PDE7B: variants seen among roughly 807,000 people sequenced by gnomAD.
PDE7B encodes phosphodiesterase 7B, also known as 3',5'-cyclic-AMP phosphodiesterase 7B.
In PDE7B, 29 loss-of-function variants were observed where a neutral mutation model predicts 56.2. The observed-to-expected ratio is 0.52, with a 90% confidence interval of 0.38 to 0.70. The LOEUF is 0.70. Ranked by LOEUF, PDE7B falls within the 30% of genes least tolerant of loss-of-function variation. The pLI is 0.00. For synonymous variants in PDE7B, 197 were observed against 196.9 expected, an observed-to-expected ratio of 1.00 and a Z score of 0.00; for missense variants, 490 against 565.0, an observed-to-expected ratio of 0.87 and a Z score of 1.35.
intron 1 of PDE7B, among the ~76,000 whole-genome samples, chr6:135,906,813 T>TTTTTTTTTTTGTTTTTTTTG (rs1776116181): frequency 1.6e-4 from 17 of 109,350 alleles, no homozygotes; most frequent in African/African-American, 8.3e-4. Flanking sequence ...GAGGTTTGTT[T>TTTTTTTTTTTGTTTTTTTTG]TTTTTTTTTT....
At chr6:136,055,951 G>C (rs1301355940) in intron 2 of PDE7B, among the ~76,000 whole-genome samples, 1 of 152,138 alleles carries the variant, frequency 6.6e-6, no homozygotes, top group African/African-American at 2.4e-5. Context: ...AGGAGAAGAG[G>C]GGAAGACTAA....
intron 8 of PDE7B, among the ~76,000 whole-genome samples, chr6:136,158,285 T>A (rs956734513): frequency 1.3e-5 from 2 of 151,988 alleles, no homozygotes; most frequent in African/African-American, 4.8e-5. Flanking sequence ...GTTACTCTTA[T>A]CAAATTTTAA....
chr6:136,124,097 G>A (rs191349993), intron 3 of PDE7B, among the ~76,000 whole-genome samples: 11 of 152,116 alleles, frequency 7.2e-5, no homozygotes, highest in Admixed American at 4.6e-4. Context: ...AGTAGAGAAG[G>A]TTAAGAAAAT....
rs1562518763 is a variant in PDE7B at position 136,191,831 on chromosome 6, C to T, written c.1344C>T (p.Asp448=). The T allele has an allele frequency of 1.3e-6, 2 of 1,550,304 alleles. No homozygotes were observed. Among genetic ancestry groups the T allele is most frequent in the African/African-American group, 1.4e-5 (1 of 73,010 alleles). ...QGTESEEQEG[D]SP ...CTGAGAGCGAGGAGCAGGAAGGCGA[C>T]AGCCCCTAGGGGCCGGCCCAACTTA... Residue 448 remains aspartate, a synonymous_variant, in exon 13 of 13, where the codon GAC becomes GAT. Coordinates refer to ENST00000308191, the MANE Select transcript of PDE7B (RefSeq NM_018945.4).
chr6:136,098,599 C>T (rs887699588), intron 2 of PDE7B, among the ~76,000 whole-genome samples: 2 of 152,114 alleles, frequency 1.3e-5, no homozygotes, highest in African/African-American at 4.8e-5. Flanking sequence ...TAAAGCCTCA[C>T]AATGCTTCTG....
At chr6:136,072,844 A>G (rs937835654) in intron 2 of PDE7B, 3 of 152,126 alleles carry the variant, frequency 2.0e-5, no homozygotes, top group African/African-American at 7.2e-5. Context: ...CATGGTGGAT[A>G]GTGTTCTGAC....
At chr6:135,979,958 A>G (rs928304774) in intron 2 of PDE7B, among the ~76,000 whole-genome samples, 7 of 152,166 alleles carry the variant, frequency 4.6e-5, no homozygotes, top group Non-Finnish European at 7.3e-5. Flanking sequence ...TTCATATGGA[A>G]CCAAAAAAGA....
intron 1 of PDE7B, among the ~76,000 whole-genome samples, chr6:135,875,788 G>A (rs555312726): frequency 7.2e-5 from 11 of 152,206 alleles, no homozygotes; most frequent in Non-Finnish European, 1.3e-4. Context: ...AATTCTCTAG[G>A]TTTTCGTTAT....
At chr6:136,019,082 G>A (rs914253767) in intron 2 of PDE7B, among the ~76,000 whole-genome samples, 2 of 151,974 alleles carry the variant, frequency 1.3e-5, no homozygotes, top group Non-Finnish European at 2.9e-5. Context: ...AAATTACTAA[G>A]TGGCTTATTT....
chr6:136,152,198 T>C (rs1031821110), intron 6 of PDE7B, among the ~76,000 whole-genome samples: 1 of 152,100 alleles, frequency 6.6e-6, no homozygotes, highest in African/African-American at 2.4e-5. Flanking sequence ...ATAAATTATA[T>C]ATAAAGAAAA....
At chr6:136,096,011 A>G (rs1298939750) in intron 2 of PDE7B, 1 of 152,252 alleles carries the variant, frequency 6.6e-6, no homozygotes, top group African/African-American at 2.4e-5. Flanking sequence ...AGGTTTTTCC[A>G]TCTGTTTCCT....
At chr6:136,179,819 G>A (rs966310334) in intron 10 of PDE7B, among the ~76,000 whole-genome samples, 5 of 151,986 alleles carry the variant, frequency 3.3e-5, no homozygotes, top group African/African-American at 7.2e-5. Flanking sequence ...TTTTTATCTG[G>A]TCTTATTTTT....
At chr6:135,868,962 CAT>C (rs1000062893) in intron 1 of PDE7B, among the ~76,000 whole-genome samples, 14 of 152,080 alleles carry the variant, frequency 9.2e-5, no homozygotes, top group African/African-American at 3.4e-4. Flanking sequence ...AGGCTGTGTA[CAT>C]ATGTGTGTGT....
intron 1 of PDE7B, among the ~76,000 whole-genome samples, chr6:135,863,158 A>G (rs903276411): frequency 1.3e-5 from 2 of 152,020 alleles, no homozygotes; most frequent in Non-Finnish European, 1.5e-5. Flanking sequence ...ATAGATGTCA[A>G]TTAGAAGATT....
intron 1 of PDE7B, among the ~76,000 whole-genome samples, chr6:135,865,931 T>C (rs1775251941): frequency 6.6e-6 from 1 of 152,040 alleles, no homozygotes; most frequent in South Asian, 2.1e-4. Flanking sequence ...GAATAGTGCA[T>C]AGTGAGGAAA....
intron 2 of PDE7B, among the ~76,000 whole-genome samples, chr6:136,079,191 T>A (rs1258353487): frequency 6.6e-6 from 1 of 152,120 alleles, no homozygotes; most frequent in African/African-American, 2.4e-5. Flanking sequence ...GTCAAAAAAC[T>A]GTAAATCAAA....
At chr6:135,883,175 C>T (rs1272289912) in intron 1 of PDE7B, among the ~76,000 whole-genome samples, 2 of 152,118 alleles carry the variant, frequency 1.3e-5, no homozygotes, top group African/African-American at 4.8e-5. Context: ...TTTATGTCCA[C>T]CACTAAAGTA....
chr6:135,890,381 A>G (rs1775789519), intron 1 of PDE7B, among the ~76,000 whole-genome samples: 1 of 152,182 alleles, frequency 6.6e-6, no homozygotes. Context: ...TTGTGCGTTC[A>G]AACTGGTCAA....
chr6:136,005,032 C>T (rs1775752082), intron 2 of PDE7B, among the ~76,000 whole-genome samples: 2 of 152,284 alleles, frequency 1.3e-5, no homozygotes, highest in South Asian at 4.1e-4. Context: ...CAGAACAGAG[C>T]TCTCAGAAAT....
Sources: gnomAD v4.1 joint callset for allele counts (sites outside exome capture counted in the v4.1 genomes callset) on GRCh38, gnomAD v4.1.1 for gene constraint, MANE v1.5 for transcripts, NCBI Gene and HGNC (gene_info 2026-07-23, HGNC 2026-07-21) for gene names.